Variants in PKP2 observed in about 807,000 individuals in gnomAD.
PKP2 encodes plakophilin-2.
Under a neutral mutation model 83.4 loss-of-function variants are expected in PKP2, and 73 were observed. The observed-to-expected ratio is 0.88, with a 90% CI of 0.72 to 1.06. The LOEUF is 1.06. PKP2 is among the 50% of genes least tolerant of loss of function. The pLI, the probability that PKP2 is intolerant of heterozygous loss-of-function variation, is 0.00. For missense variants in PKP2, 966 were observed against 1,065.4 expected, an observed-to-expected ratio of 0.91 and a Z score of 1.30; for synonymous variants, 409 against 430.4, an observed-to-expected ratio of 0.95 and a Z score of 0.62.
intron 7 of PKP2, 64 bp from the exon 8 acceptor site, chr12:32,822,695 C>T (rs1956394027): frequency 6.5e-7 from 1 of 1,545,948 alleles, no homozygotes; most frequent in Non-Finnish European, 8.9e-7. Context: ...TGTGATATCA[C>T]AGGACACAGG....
Position 32,804,836 on chromosome 12 carries a change from C to T in PKP2, c.2014-2280G>A, listed in dbSNP as rs557473578. On this transcript the variant is annotated intron_variant, in intron 9 of 12. Transcript: ENST00000340811. ...ATACCCAATAATGGGATTGCTGGGT[C>T]AAATGGTATTTCTGCCTCTAGATCT... Among the ~76,000 whole-genome samples the T allele has an allele frequency of 3.9e-5, 6 of 152,310 alleles. No individual in the cohort carries two copies. In the South Asian group the frequency reaches 1.2e-3, roughly 32 times the overall value.
At position 32,815,953 on chromosome 12, in the gene PKP2, T is replaced by C. The variant is rs112324111; in HGVS notation, c.2013+5403A>G. 2.2e-3 allele frequency among the ~76,000 whole-genome samples: 328 copies of C among 152,374 alleles called. 1 individual carries two copies. The highest frequency in any genetic ancestry group is 7.6e-3 in the African/African-American group (316 of 41,596). ...GCTACCAAATAGAGATTCTGTATTC[T>C]AGCTTTTGTAAGTATGTGAGAATGA... On this transcript the variant is annotated intron_variant, in intron 9 of 12. Transcript: ENST00000340811.
intron 4 of PKP2, among the ~76,000 whole-genome samples, chr12:32,866,898 CA>C: frequency 6.8e-6 from 1 of 147,918 alleles, no homozygotes; most frequent in Admixed American, 6.7e-5. Flanking sequence ...TTGTAATAGC[CA>C]AAACTTCTGA....
At chr12:32,864,243 T>A (rs1208344518) in intron 4 of PKP2, among the ~76,000 whole-genome samples, 2 of 151,332 alleles carry the variant, frequency 1.3e-5, no homozygotes, top group Non-Finnish European at 2.9e-5. Flanking sequence ...AGAAACAGGA[T>A]AATATGCCCA....
In PKP2 at chr12:32,853,531, G is replaced by A. The variant is rs1285560115; in HGVS notation, c.1171-2558C>T. 2.0e-5 allele frequency among the ~76,000 whole-genome samples: 3 copies of A among 148,430 alleles called. No homozygotes were observed. The South Asian group carries it at 6.3e-4, about 31-fold the overall frequency. On this transcript the variant is annotated intron_variant, in intron 4 of 12. Transcript: ENST00000340811. ...TACTTTTTTTTTTTTTTTTGAGACG[G>A]AGTCTCGCTCTGTCGCTCAGGTTGG...
At position 32,895,638 on chromosome 12, in the gene PKP2, G is replaced by A. The variant is rs75183887; in HGVS notation, c.223+871C>T. ...GGTCACTGAGTTGATCCCATCACCT[G>A]ACTTCAGCAGGGGAGAAAAGGATAC... is the stretch of plus-strand genomic sequence containing the variant. On this transcript the variant is annotated intron_variant, in intron 1 of 12. Coordinates refer to ENST00000340811, the MANE Select transcript of PKP2 (RefSeq NM_001005242.3). Among the ~76,000 whole-genome samples the A allele has an allele frequency of 2.2e-4, 34 of 152,308 alleles. No individual in the cohort carries two copies. In the East Asian group the frequency reaches 6.6e-3, roughly 29 times the overall value.
chr12:32,796,013 A>G, intron 11 of PKP2, 96 bp downstream of exon 11: 1 of 1,088,642 alleles, frequency 9.2e-7, no homozygotes, highest in Admixed American at 1.7e-5. Context: ...CATGTTGCAC[A>G]TGATGGTCAT....
intron 4 of PKP2, among the ~76,000 whole-genome samples, chr12:32,853,756 C>T (rs1439948587): frequency 2.6e-5 from 4 of 152,154 alleles, no homozygotes; most frequent in Non-Finnish European, 4.4e-5. Context: ...GGTGATCTGC[C>T]GGCCTCAGGC....
At chr12:32,812,115 T>G (rs1223845544) in intron 9 of PKP2, among the ~76,000 whole-genome samples, 5 of 38,562 alleles carry the variant, frequency 1.3e-4, no homozygotes, top group African/African-American at 2.0e-4. Flanking sequence ...TGGGAGGGTT[T>G]TTTTTTTTTT....
Position 32,896,526 on chromosome 12 carries a change from C to A in PKP2, c.206G>T (p.Arg69Leu), listed in dbSNP as rs1388260138. The A allele has an allele frequency of 1.9e-6, 3 of 1,550,794 alleles. No homozygotes were observed. Among genetic ancestry groups the A allele is most frequent in the Middle Eastern group, 2.1e-4 (1 of 4,700 alleles). The stretch of plus-strand genomic sequence containing the variant: ...CCACTCACCGTTGCCCACGGAGCTG[C>A]GGCCCTTCCGGGCGAGGGTCTGCTG... ...QVQQTLARKG[R>L]SSVGNGNLHR... The change falls in exon 1 of 13, where the codon CGC becomes CTC. Residue 69 changes from arginine to leucine, a missense_variant. Coordinates refer to ENST00000340811, the MANE Select transcript of PKP2 (RefSeq NM_001005242.3).
At chr12:32,871,627 G>A (rs1041932081) in intron 3 of PKP2, among the ~76,000 whole-genome samples, 3 of 151,958 alleles carry the variant, frequency 2.0e-5, no homozygotes, top group Non-Finnish European at 2.9e-5. Context: ...CACCACGCCC[G>A]GCTAATTTTT....
chr12:32,863,751 G>C (rs1005666665), intron 4 of PKP2, among the ~76,000 whole-genome samples: 3 of 152,108 alleles, frequency 2.0e-5, no homozygotes, highest in African/African-American at 7.2e-5. Context: ...AACATTTAAG[G>C]AAGAAATAAT....
intron 3 of PKP2, among the ~76,000 whole-genome samples, chr12:32,872,828 G>A (rs774256619): frequency 3.0e-4 from 46 of 152,116 alleles, no homozygotes; most frequent in Admixed American, 2.4e-3. Flanking sequence ...GAGAGACAGC[G>A]TTGAGGGCAC....
intron 9 of PKP2, among the ~76,000 whole-genome samples, chr12:32,812,408 T>C (rs1207601611): frequency 6.6e-6 from 1 of 152,152 alleles, no homozygotes; most frequent in Non-Finnish European, 1.5e-5. Flanking sequence ...ATGTCTTTCA[T>C]TATTTCAGTT....
At chr12:32,884,570 T>C (rs1229197050) in intron 1 of PKP2, among the ~76,000 whole-genome samples, 1 of 152,222 alleles carries the variant, frequency 6.6e-6, no homozygotes, top group African/African-American at 2.4e-5. Context: ...CTTTTTAATC[T>C]GTCTTTTGTT....
intron 5 of PKP2, among the ~76,000 whole-genome samples, 189 bp from the exon 6 acceptor site, chr12:32,841,394 C>A (rs1035144212): frequency 6.6e-6 from 1 of 152,044 alleles, no homozygotes. Context: ...TGGAGGCTGA[C>A]CCACATGAGC....
intron 6 of PKP2, among the ~76,000 whole-genome samples, chr12:32,827,224 G>A (rs1035338575): frequency 6.6e-6 from 1 of 152,166 alleles, no homozygotes; most frequent in Non-Finnish European, 1.5e-5. Flanking sequence ...CTGTTGTCTT[G>A]CTGTTTGGTA....
At chr12:32,883,302 T>C (rs1957001623) in intron 1 of PKP2, among the ~76,000 whole-genome samples, 1 of 152,246 alleles carries the variant, frequency 6.6e-6, no homozygotes, top group South Asian at 2.1e-4. Flanking sequence ...CTAATTTGCC[T>C]AGGCAGTCAT....
intron 9 of PKP2, among the ~76,000 whole-genome samples, chr12:32,812,778 A>G (rs560558598): frequency 6.0e-4 from 92 of 152,316 alleles, no homozygotes; most frequent in South Asian, 1.0e-3. Flanking sequence ...TGCTGGGATT[A>G]CAGGCGTGAG....
Sources: gnomAD v4.1 joint callset for allele counts (sites outside exome capture counted in the v4.1 genomes callset) on GRCh38, gnomAD v4.1.1 for gene constraint, MANE v1.5 for transcripts, NCBI Gene and HGNC (gene_info 2026-07-23, HGNC 2026-07-21) for gene names.